The following FGGY variants were observed in gnomAD, a reference collection of about 807,000 sequenced individuals.
FGGY encodes the protein FGGY carbohydrate kinase domain-containing protein.
Under a neutral mutation model 71.3 loss-of-function variants are expected in FGGY, and 72 were observed. The ratio of observed to expected loss-of-function variants is 1.01; its 90% CI spans 0.84 to 1.23. The LOEUF is 1.23. FGGY is among the 50% of genes most tolerant of loss of function. The pLI is 0.00. For synonymous variants in FGGY, 251 were observed against 250.3 expected, an observed-to-expected ratio of 1.00 and a Z score of -0.02; for missense variants, 668 against 682.3, an observed-to-expected ratio of 0.98 and a Z score of 0.23.
At chr1:59,364,667 G>T (rs1204228219) in intron 4 of FGGY, among the ~76,000 whole-genome samples, 1 of 152,222 alleles carries the variant, frequency 6.6e-6, no homozygotes, top group Non-Finnish European at 1.5e-5. Flanking sequence ...ATGAACAGAT[G>T]ATGGGAAATG....
intron 11 of FGGY, among the ~76,000 whole-genome samples, chr1:59,640,506 T>G (rs2097012511): frequency 6.6e-6 from 1 of 152,116 alleles, no homozygotes; most frequent in African/African-American, 2.4e-5. Flanking sequence ...TGTTTAAAGT[T>G]GGGAGTGGGC....
At chr1:59,732,400 A>G (rs1481976198) in intron 14 of FGGY, among the ~76,000 whole-genome samples, 1 of 152,208 alleles carries the variant, frequency 6.6e-6, no homozygotes, top group South Asian at 2.1e-4. Flanking sequence ...ACACTAAGAA[A>G]CACTTAAGAA....
intron 5 of FGGY, among the ~76,000 whole-genome samples, chr1:59,415,405 G>A (rs1341865006): frequency 6.6e-6 from 1 of 152,116 alleles, no homozygotes; most frequent in East Asian, 1.9e-4. Flanking sequence ...ACATCCATAA[G>A]TGCTATTTAG....
chr1:59,334,587 T>G (rs964093768), intron 2 of FGGY, among the ~76,000 whole-genome samples: 4 of 152,192 alleles, frequency 2.6e-5, no homozygotes, highest in African/African-American at 9.6e-5. Flanking sequence ...TTGAAAAAAA[T>G]TACTGCTTTT....
rs79214962 is a variant in FGGY, at chr1:59,486,084, T to C, written c.671-26227T>C. 5.0e-3 allele frequency among the ~76,000 whole-genome samples: 762 copies of C among 152,268 alleles called. 6 individuals carry two copies. The highest frequency in any genetic ancestry group is 0.017 in the African/African-American group (716 of 41,538). On this transcript the variant is annotated intron_variant, in intron 6 of 15. Transcript: ENST00000303721. ...AGCCCCTGTGCCTCAGACTTAACAC[T>C]AATAAGAGGCATGGGACAATACCTC...
intron 5 of FGGY, among the ~76,000 whole-genome samples, chr1:59,429,457 G>A (rs1176246821): frequency 6.6e-6 from 1 of 151,960 alleles, no homozygotes; most frequent in Non-Finnish European, 1.5e-5. Flanking sequence ...TTGTGAAAAC[G>A]ATTCTGGGGA....
chr1:59,652,582 G>T (rs1376119071), intron 11 of FGGY, among the ~76,000 whole-genome samples: 1 of 141,640 alleles, frequency 7.1e-6, no homozygotes, highest in African/African-American at 2.8e-5. Context: ...CGTAGTTCTC[G>T]AGCCTTGGTT....
At chr1:59,313,021 G>A (rs2044663965) in intron 1 of FGGY, among the ~76,000 whole-genome samples, 1 of 152,142 alleles carries the variant, frequency 6.6e-6, no homozygotes, top group South Asian at 2.1e-4. Context: ...AAGAGCATAA[G>A]GATCCCCAAA....
chr1:59,368,323 A>G (rs951069864), intron 4 of FGGY, among the ~76,000 whole-genome samples: 2 of 152,200 alleles, frequency 1.3e-5, no homozygotes, highest in African/African-American at 4.8e-5. Flanking sequence ...AAGAGTGGCA[A>G]TAGCTTCCAT....
intron 9 of FGGY, among the ~76,000 whole-genome samples, chr1:59,608,998 C>T (rs11207492): frequency 0.068 from 10,343 of 152,122 alleles, 914 homozygotes; most frequent in African/African-American, 0.21. Flanking sequence ...CAGAAGTACA[C>T]GGTACAGAGT....
chr1:59,356,377 T>C lies in FGGY; in HGVS notation c.465+9979T>C, dbSNP rs533430517. ...TTTTTCCTTCTGCCTGGCAAACTTA[T>C]AGTAATTTCTTCCTTCACCAGGAAA... On this transcript the variant is annotated intron_variant, in intron 4 of 15. Coordinates refer to ENST00000303721, the MANE Select transcript of FGGY (RefSeq NM_018291.5). Among the ~76,000 whole-genome samples the C allele has an allele frequency of 9.2e-5, 14 of 152,290 alleles. No individual in the cohort carries two copies. The South Asian group carries it at 1.7e-3, about 18-fold the overall frequency.
At chr1:59,611,499 A>C (rs534101003) in intron 9 of FGGY, among the ~76,000 whole-genome samples, 1 of 152,318 alleles carries the variant, frequency 6.6e-6, no homozygotes, top group Admixed American at 6.5e-5. Context: ...CCCAATCTGT[A>C]CGTCACCATC....
At chr1:59,446,999 A>G (rs1486036062) in intron 5 of FGGY, among the ~76,000 whole-genome samples, 2 of 152,128 alleles carry the variant, frequency 1.3e-5, no homozygotes, top group Admixed American at 6.5e-5. Flanking sequence ...AAAGCAGGAG[A>G]ATAAAAAGTT....
chr1:59,363,045 A>G (rs1300401136), intron 4 of FGGY, among the ~76,000 whole-genome samples: 3 of 152,240 alleles, frequency 2.0e-5, no homozygotes, highest in Admixed American at 2.0e-4. Context: ...AGGGTCTAGT[A>G]GAAGAGACAG....
chr1:59,404,375 A>C (rs2062428633), intron 5 of FGGY, among the ~76,000 whole-genome samples: 1 of 152,156 alleles, frequency 6.6e-6, no homozygotes. Context: ...AAAAAAAAAT[A>C]CATTTTTTCT....
At chr1:59,586,996 CCTCA>C (rs1364974502) in intron 8 of FGGY, among the ~76,000 whole-genome samples, 1 of 152,344 alleles carries the variant, frequency 6.6e-6, no homozygotes, top group East Asian at 1.9e-4. Flanking sequence ...CAAGGCATTG[CCTCA>C]CTCAGGAAGC....
intron 8 of FGGY, among the ~76,000 whole-genome samples, chr1:59,602,582 A>G (rs2096588331): frequency 6.6e-6 from 1 of 152,166 alleles, no homozygotes; most frequent in Non-Finnish European, 1.5e-5. Flanking sequence ...TTTAAAGTAA[A>G]ATGCAGAACT....
At chr1:59,557,697 A>C (rs2153711370) in intron 8 of FGGY, among the ~76,000 whole-genome samples, 1 of 152,312 alleles carries the variant, frequency 6.6e-6, no homozygotes, top group East Asian at 1.9e-4. Flanking sequence ...AACCCCAGAT[A>C]ATACACAGCA....
intron 6 of FGGY, among the ~76,000 whole-genome samples, chr1:59,465,615 C>G (rs2092571646): frequency 6.6e-6 from 1 of 152,200 alleles, no homozygotes; most frequent in Admixed American, 6.5e-5. Flanking sequence ...ACTCCATTGT[C>G]TCAGACCAAA....
Sources: gnomAD v4.1 joint callset for allele counts (sites outside exome capture counted in the v4.1 genomes callset) on GRCh38, gnomAD v4.1.1 for gene constraint, MANE v1.5 for transcripts, NCBI Gene and HGNC (gene_info 2026-07-23, HGNC 2026-07-21) for gene names.